Variants in SCTR observed in about 807,000 individuals in gnomAD.
SCTR encodes secretin receptor.
SCTR carries 56 observed loss-of-function variants against 60.8 expected under a neutral mutation model. The ratio of observed to expected loss-of-function variants is 0.92; its 90% CI spans 0.74 to 1.15. The LOEUF (loss-of-function observed/expected upper bound fraction) is 1.15. Ranked by LOEUF, SCTR falls within the 50% of genes most tolerant of loss-of-function variation. The pLI is 0.00. For missense variants in SCTR, 562 were observed against 550.4 expected (o/e 1.02, Z -0.21); for synonymous variants, 202 against 217.0 (o/e 0.93, Z 0.61).
Position 119,471,158 on chromosome 2 carries a change from T to A in SCTR, c.405+2295A>T, listed in dbSNP as rs200700346. Among the ~76,000 whole-genome samples the A allele has an allele frequency of 4.6e-5, 7 of 152,336 alleles. No homozygotes were observed. In the East Asian group the frequency reaches 1.3e-3, roughly 29 times the overall value. The stretch of plus-strand genomic sequence containing the variant: ...GAAGCCCATTCTCTGCATTTCCAGT[T>A]ACGCAAGCCACATGTGCTTATTAAA... On this transcript the variant is annotated intron_variant, in intron 4 of 12. Transcript: ENST00000019103.
intron 4 of SCTR, among the ~76,000 whole-genome samples, chr2:119,471,730 A>C (rs1677025253): frequency 6.6e-6 from 1 of 152,174 alleles, no homozygotes. Flanking sequence ...GACCTGCTGA[A>C]AGTGTACTCC....
chr2:119,443,384 GAA>G (rs1682727004), intron 11 of SCTR, among the ~76,000 whole-genome samples: 1 of 152,180 alleles, frequency 6.6e-6, no homozygotes, highest in African/African-American at 2.4e-5. Context: ...TTTGTGGAAA[GAA>G]AAGAGACGGA....
At chr2:119,501,342 G>A (rs1223811473) in intron 1 of SCTR, among the ~76,000 whole-genome samples, 1 of 151,916 alleles carries the variant, frequency 6.6e-6, no homozygotes, top group Non-Finnish European at 1.5e-5. Flanking sequence ...CCTGGTAGGT[G>A]GAGCTTGCAG....
intron 2 of SCTR, among the ~76,000 whole-genome samples, chr2:119,490,846 C>T (rs1406108095): frequency 6.6e-6 from 1 of 152,192 alleles, no homozygotes; most frequent in Non-Finnish European, 1.5e-5. Context: ...CTGATTGTCC[C>T]TAAGCACAGC....
intron 1 of SCTR, among the ~76,000 whole-genome samples, chr2:119,498,142 A>C (rs1164779509): frequency 6.6e-6 from 1 of 152,144 alleles, no homozygotes; most frequent in African/African-American, 2.4e-5. Flanking sequence ...GAAAAACTAC[A>C]CTTTATCTAA....
intron 9 of SCTR, among the ~76,000 whole-genome samples, chr2:119,450,243 T>C (rs1194270659): frequency 6.6e-6 from 1 of 152,110 alleles, no homozygotes; most frequent in African/African-American, 2.4e-5. Context: ...CCAGGCCCCA[T>C]GCTAGGTTGG....
At chr2:119,522,786 C>T (rs1388827035) in intron 1 of SCTR, among the ~76,000 whole-genome samples, 1 of 152,200 alleles carries the variant, frequency 6.6e-6, no homozygotes, top group Non-Finnish European at 1.5e-5. Context: ...AACACACCTT[C>T]TGGCTCTACC....
intron 3 of SCTR, among the ~76,000 whole-genome samples, chr2:119,478,367 C>A (rs1677432120): frequency 6.6e-6 from 1 of 152,160 alleles, no homozygotes; most frequent in Non-Finnish European, 1.5e-5. Flanking sequence ...AGGCCAGGGG[C>A]TCCCAGGGAG....
intron 3 of SCTR, 60 bp downstream of exon 3, chr2:119,478,751 G>C: frequency 1.3e-6 from 2 of 1,534,974 alleles, no homozygotes; most frequent in Non-Finnish European, 1.8e-6. Context: ...CTAAGCTGAG[G>C]CCCCACCCAG....
intron 11 of SCTR, 58 bp downstream of exon 11, chr2:119,446,701 C>T (rs1389354747): frequency 7.2e-7 from 1 of 1,389,022 alleles, no homozygotes; most frequent in Admixed American, 2.6e-5. Flanking sequence ...CTCCACTTCT[C>T]CCTAAGGACA....
chr2:119,513,995 T>C (rs1679035795), intron 1 of SCTR, among the ~76,000 whole-genome samples: 1 of 152,256 alleles, frequency 6.6e-6, no homozygotes. Context: ...GTAAACTGTG[T>C]GAGTCACTGC....
intron 1 of SCTR, among the ~76,000 whole-genome samples, chr2:119,503,230 A>G (rs957864457): frequency 6.6e-6 from 1 of 152,044 alleles, no homozygotes; most frequent in Admixed American, 6.6e-5. Context: ...AAAAGACACA[A>G]AGTAATCTTA....
At chr2:119,442,930 T>C (rs983878843) in intron 11 of SCTR, among the ~76,000 whole-genome samples, 2 of 151,976 alleles carry the variant, frequency 1.3e-5, no homozygotes, top group African/African-American at 2.4e-5. Context: ...TGAGTAATTG[T>C]AGGTCCCAGG....
intron 1 of SCTR, among the ~76,000 whole-genome samples, chr2:119,509,800 A>G (rs1558880951): frequency 6.6e-6 from 1 of 152,048 alleles, no homozygotes; most frequent in Non-Finnish European, 1.5e-5. Flanking sequence ...TCATTTAGCA[A>G]TAACTCCACA....
chr2:119,483,173 G>A (rs747405137), intron 2 of SCTR, among the ~76,000 whole-genome samples: 11 of 152,238 alleles, frequency 7.2e-5, no homozygotes, highest in Admixed American at 1.3e-4. Flanking sequence ...CTTGGGTCAC[G>A]TCAGGCAGGG....
intron 1 of SCTR, among the ~76,000 whole-genome samples, chr2:119,514,679 C>A (rs1477019292): frequency 1.3e-5 from 2 of 152,062 alleles, no homozygotes; most frequent in Admixed American, 1.3e-4. Flanking sequence ...AGTTTGAGAC[C>A]AGCCTGACCA....
chr2:119,502,983 C>T (rs1273193525), intron 1 of SCTR, among the ~76,000 whole-genome samples: 1 of 82,866 alleles, frequency 1.2e-5, no homozygotes, highest in African/African-American at 3.7e-5. Context: ...AACCTCATCT[C>T]TACTAAAAAA....
At chr2:119,452,362 G>C (rs892253786) in intron 8 of SCTR, among the ~76,000 whole-genome samples, 3 of 152,282 alleles carry the variant, frequency 2.0e-5, no homozygotes, top group Non-Finnish European at 4.4e-5. Context: ...CAGCGAGCAC[G>C]GTGGCAAACT....
intron 1 of SCTR, among the ~76,000 whole-genome samples, chr2:119,497,820 CAACCTG>C: frequency 6.6e-6 from 1 of 152,196 alleles, no homozygotes; most frequent in Non-Finnish European, 1.5e-5. Flanking sequence ...AGAAATTACA[CAACCTG>C]AACAACAGAG....
Sources: allele counts gnomAD v4.1 joint callset (sites outside exome capture counted in the v4.1 genomes callset), GRCh38; gene constraint gnomAD v4.1.1; transcripts MANE v1.5; gene names NCBI Gene and HGNC (gene_info 2026-07-23, HGNC 2026-07-21).